Variants in ZNG1F observed in about 807,000 individuals in gnomAD.
ZNG1F encodes the protein Zn regulated GTPase metalloprotein activator 1F, also known as zinc-regulated GTPase metalloprotein activator 1F.
chr9:41,152,444 G>A, the ZNG1F span, among the ~76,000 whole-genome samples: 3 of 146,382 alleles, frequency 2.0e-5, 1 homozygote, highest in Non-Finnish European at 4.5e-5. Context: ...ACAGATCAAT[G>A]AGACAGAAAG....
At chr9:41,139,727 G>C in the ZNG1F span, among the ~76,000 whole-genome samples, 1 of 151,720 alleles carries the variant, frequency 6.6e-6, no homozygotes, top group African/African-American at 2.4e-5. Flanking sequence ...TAAATGTCCA[G>C]GACAGTTGAA....
At chr9:41,154,668 T>G in the ZNG1F span, among the ~76,000 whole-genome samples, 4 of 147,950 alleles carry the variant, frequency 2.7e-5, 1 homozygote, top group Non-Finnish European at 6.0e-5. Context: ...TATAGATCAA[T>G]GGAACAGAAC....
At chr9:41,149,978 C>A in the ZNG1F span, among the ~76,000 whole-genome samples, 1 of 128,966 alleles carries the variant, frequency 7.8e-6, no homozygotes, top group African/African-American at 2.8e-5. Flanking sequence ...GCCAAGATGG[C>A]CGAATAGGAA....
the ZNG1F span, chr9:41,165,226 T>C: frequency 2.1e-4 from 153 of 715,860 alleles, 7 homozygotes; most frequent in South Asian, 3.9e-4. Context: ...CAGTTAAGGA[T>C]TATATAGTGC....
chr9:41,148,704 C>T, the ZNG1F span, among the ~76,000 whole-genome samples: 7 of 140,650 alleles, frequency 5.0e-5, no homozygotes, highest in African/African-American at 1.8e-4. Flanking sequence ...TTTTTTCTTT[C>T]TTTCTTTTTT....
chr9:41,159,224 C>G, the ZNG1F span, among the ~76,000 whole-genome samples: 6 of 149,834 alleles, frequency 4.0e-5, no homozygotes, highest in South Asian at 1.3e-3. Flanking sequence ...CCAGCCAATC[C>G]AAGTATCCAG....
At chr9:41,193,754 GC>G in the ZNG1F span, among the ~76,000 whole-genome samples, 3 of 151,986 alleles carry the variant, frequency 2.0e-5, no homozygotes, top group South Asian at 6.3e-4. Context: ...ACAAAAATTA[GC>G]TGGGTGTGGT....
chr9:41,185,584 A>G, the ZNG1F span, among the ~76,000 whole-genome samples: 1 of 151,118 alleles, frequency 6.6e-6, no homozygotes, highest in Non-Finnish European at 1.5e-5. Flanking sequence ...GAGGCAGGAG[A>G]ATCACTTTAA....
the ZNG1F span, among the ~76,000 whole-genome samples, chr9:41,151,609 G>A: frequency 6.0e-4 from 89 of 149,498 alleles, no homozygotes; most frequent in Non-Finnish European, 1.0e-3. Flanking sequence ...GAGAAAGGTC[G>A]GGTTACCCTC....
chr9:41,193,457 T>C, the ZNG1F span, among the ~76,000 whole-genome samples: 1 of 120,722 alleles, frequency 8.3e-6, no homozygotes, highest in Non-Finnish European at 1.9e-5. Flanking sequence ...CACCACAAAA[T>C]CAAACTAAAA....
At chr9:41,152,322 C>T in the ZNG1F span, among the ~76,000 whole-genome samples, 2 of 149,274 alleles carry the variant, frequency 1.3e-5, no homozygotes, top group South Asian at 2.1e-4. Context: ...TATACATGCA[C>T]CCAATACAGG....
the ZNG1F span, among the ~76,000 whole-genome samples, chr9:41,169,856 G>A: frequency 6.9e-6 from 1 of 144,246 alleles, no homozygotes; most frequent in African/African-American, 2.7e-5. Context: ...AATAAAGCTG[G>A]GGGGTTAGAG....
At chr9:41,190,820 A>G in the ZNG1F span, among the ~76,000 whole-genome samples, 6 of 135,880 alleles carry the variant, frequency 4.4e-5, 1 homozygote, top group South Asian at 5.0e-4. Context: ...CCTGATGCCA[A>G]ATAAAAGGTT....
chr9:41,187,431 A>G, the ZNG1F span, among the ~76,000 whole-genome samples: 1 of 132,156 alleles, frequency 7.6e-6, no homozygotes, highest in South Asian at 2.6e-4. Flanking sequence ...GGCACCTTTG[A>G]AGTAACCTTA....
chr9:41,183,959 A>T, the ZNG1F span, among the ~76,000 whole-genome samples: 2 of 125,996 alleles, frequency 1.6e-5, no homozygotes, highest in African/African-American at 3.1e-5. Context: ...TAATGAAGGC[A>T]TTTTTTTCTT....
At chr9:41,168,774 G>GT in the ZNG1F span, among the ~76,000 whole-genome samples, 1 of 94,324 alleles carries the variant, frequency 1.1e-5, no homozygotes, top group Non-Finnish European at 2.1e-5. Flanking sequence ...TGAAATTGGG[G>GT]TTATTTGGCT....
chr9:41,141,158 A>G, the ZNG1F span, among the ~76,000 whole-genome samples: 7 of 151,880 alleles, frequency 4.6e-5, no homozygotes, highest in East Asian at 5.8e-4. Flanking sequence ...AGGATGATCT[A>G]TATTTTGGAA....
At chr9:41,180,168 CTTT>C in the ZNG1F span, among the ~76,000 whole-genome samples, 1 of 16,798 alleles carries the variant, frequency 6.0e-5, no homozygotes, top group Non-Finnish European at 9.9e-5. Flanking sequence ...ATAAACACAG[CTTT>C]TTTTTTTTTT....
chr9:41,193,481 G>T, the ZNG1F span, among the ~76,000 whole-genome samples: 5 of 149,544 alleles, frequency 3.3e-5, no homozygotes, highest in Non-Finnish European at 5.9e-5. Flanking sequence ...TAAAAAACAG[G>T]TCCCAAAATA....
Sources: allele counts gnomAD v4.1 joint callset (sites outside exome capture counted in the v4.1 genomes callset), GRCh38; gene constraint gnomAD v4.1.1; transcripts MANE v1.5; gene names NCBI Gene and HGNC (gene_info 2026-07-23, HGNC 2026-07-21).